AK7: variants seen among roughly 807,000 people sequenced by gnomAD.
AK7 encodes adenylate kinase 7.
AK7 carries 78 observed loss-of-function variants against 96.6 expected under a neutral mutation model. The ratio of observed to expected loss-of-function variants is 0.81; its 90% confidence interval spans 0.67 to 0.97. AK7 has a LOEUF of 0.97. Ranked by LOEUF, AK7 falls within the 50% of genes least tolerant of loss-of-function variation. The pLI is 0.00. For missense variants in AK7, 855 were observed against 887.9 expected, an observed-to-expected ratio of 0.96 and a Z score of 0.47; for synonymous variants, 302 against 317.2, an observed-to-expected ratio of 0.95 and a Z score of 0.51.
At chr14:96,466,041 T>TACA (rs1894549339) in intron 12 of AK7, among the ~76,000 whole-genome samples, 1 of 147,864 alleles carries the variant, frequency 6.8e-6, no homozygotes, top group Non-Finnish European at 1.5e-5. Context: ...CCAAATGATA[T>TACA]ACAACATAGG....
intron 16 of AK7, 21 bp from the exon 17 acceptor site, chr14:96,486,876 AC>A (rs1895795782): frequency 6.2e-7 from 1 of 1,608,726 alleles, no homozygotes; most frequent in South Asian, 1.1e-5. Context: ...CATTTACTTT[AC>A]CACCAAATAT....
intron 8 of AK7, among the ~76,000 whole-genome samples, chr14:96,448,537 C>T (rs573853495): frequency 2.1e-5 from 3 of 144,100 alleles, no homozygotes; most frequent in East Asian, 2.1e-4. Context: ...GGCTAAGGTG[C>T]GAGGATTGCT....
intron 5 of AK7, among the ~76,000 whole-genome samples, chr14:96,422,499 A>T (rs1458439960): frequency 6.6e-6 from 1 of 152,202 alleles, no homozygotes; most frequent in Non-Finnish European, 1.5e-5. Flanking sequence ...ATCCATATGG[A>T]CAGGCGCCCC....
intron 12 of AK7, among the ~76,000 whole-genome samples, chr14:96,465,200 G>A (rs972181456): frequency 2.0e-5 from 3 of 152,194 alleles, no homozygotes; most frequent in East Asian, 1.9e-4. Context: ...CGTGGCTCAC[G>A]CCTGTAATCC....
At chr14:96,422,359 A>G (rs1401710357) in intron 5 of AK7, among the ~76,000 whole-genome samples, 1 of 152,254 alleles carries the variant, frequency 6.6e-6, no homozygotes, top group Non-Finnish European at 1.5e-5. Context: ...CTGGTTACAA[A>G]CAATCCATAG....
At chr14:96,470,201 G>T (rs909485745) in intron 12 of AK7, among the ~76,000 whole-genome samples, 1 of 151,594 alleles carries the variant, frequency 6.6e-6, no homozygotes, top group Non-Finnish European at 1.5e-5. Flanking sequence ...TTTACATTAT[G>T]TAAAATGAGG....
chr14:96,440,867 A>T (rs8015305), intron 6 of AK7, among the ~76,000 whole-genome samples: 11,545 of 152,242 alleles, frequency 0.076, 1,494 homozygotes, highest in African/African-American at 0.26. Flanking sequence ...TTTTTTAAAG[A>T]TGTGGGTAAG....
intron 1 of AK7, among the ~76,000 whole-genome samples, chr14:96,393,346 C>T (rs1439285410): frequency 6.6e-6 from 1 of 152,208 alleles, no homozygotes; most frequent in African/African-American, 2.4e-5. Context: ...GGCTACAGTA[C>T]GTACAATCTG....
intron 5 of AK7, among the ~76,000 whole-genome samples, 159 bp downstream of exon 5, chr14:96,421,091 G>A (rs1421816186): frequency 6.6e-6 from 1 of 152,138 alleles, no homozygotes; most frequent in Non-Finnish European, 1.5e-5. Flanking sequence ...CAGCACACTG[G>A]GTTGAAAGCC....
At chr14:96,473,194 T>C (rs1194239925) in intron 14 of AK7, among the ~76,000 whole-genome samples, 6 of 146,436 alleles carry the variant, frequency 4.1e-5, no homozygotes, top group African/African-American at 1.5e-4. Context: ...TTTTTGAGAC[T>C]GAGTCTTGCC....
chr14:96,452,196 G>A (rs1037432326), intron 10 of AK7, among the ~76,000 whole-genome samples: 1 of 152,104 alleles, frequency 6.6e-6, no homozygotes, highest in African/African-American at 2.4e-5. Context: ...TAGACATTGT[G>A]GAATGGCTAA....
intron 4 of AK7, among the ~76,000 whole-genome samples, chr14:96,415,107 G>C (rs1348390842): frequency 6.6e-6 from 1 of 151,758 alleles, no homozygotes; most frequent in Non-Finnish European, 1.5e-5. Flanking sequence ...AAATTTGAGG[G>C]GCTAAAAGCA....
At chr14:96,458,552 G>A (rs1252158998) in intron 12 of AK7, among the ~76,000 whole-genome samples, 1 of 151,930 alleles carries the variant, frequency 6.6e-6, no homozygotes, top group Non-Finnish European at 1.5e-5. Flanking sequence ...GACCAGCCTA[G>A]GCAACATGGT....
At chr14:96,440,853 G>T (rs1170806581) in intron 6 of AK7, among the ~76,000 whole-genome samples, 1 of 152,180 alleles carries the variant, frequency 6.6e-6, no homozygotes, top group African/African-American at 2.4e-5. Flanking sequence ...GAAAGAGGAA[G>T]AAATTTTTTA....
rs1436151821 is a variant in AK7 at position 96,442,816 on chromosome 14, A to G, written c.777A>G (p.Ala259=). The part of the protein sequence containing the change: ...VIPTIHVLDL[A]GVIQNVIDHV... ...CAACAATCCATGTTCTTGATCTAGC[A>G]GGGTAAGCATTCGCCCAGAGACGTG... The change falls in exon 7 of 18, where the codon GCA becomes GCG. Residue 259 remains alanine, a splice_region_variant and synonymous_variant. Coordinates refer to ENST00000267584, the MANE Select transcript of AK7 (RefSeq NM_152327.5). The G allele has an allele frequency of 1.2e-6, 2 of 1,613,394 alleles. No homozygotes were observed. Among genetic ancestry groups the G allele is most frequent in the Middle Eastern group, 1.6e-4 (1 of 6,084 alleles).
At chr14:96,476,127 A>G (rs1460146460) in intron 14 of AK7, among the ~76,000 whole-genome samples, 1 of 152,196 alleles carries the variant, frequency 6.6e-6, no homozygotes, top group Non-Finnish European at 1.5e-5. Flanking sequence ...GCCTATGTCC[A>G]GTTTGATTCT....
intron 4 of AK7, among the ~76,000 whole-genome samples, chr14:96,412,566 C>T (rs1891100316): frequency 6.7e-6 from 1 of 149,370 alleles, no homozygotes; most frequent in South Asian, 2.1e-4. Flanking sequence ...CTTGGCCTTG[C>T]AGTACTTTTT....
Position 96,438,471 on chromosome 14 carries a change from C to T in AK7, c.690+556C>T, listed in dbSNP as rs371308012. ...AAAGGCAATGAAGGAGCTGGCTAAT[C>T]GGCTTTCTGGAGAAAGACATCCCAG... On this transcript the variant is annotated intron_variant, in intron 6 of 17. Coordinates refer to ENST00000267584, the MANE Select transcript of AK7 (RefSeq NM_152327.5). Among the ~76,000 whole-genome samples, 15 of 152,260 alleles carry T rather than the reference C, an allele frequency of 9.9e-5. No individual in the cohort carries two copies. The South Asian group carries it at 2.3e-3, about 23-fold the overall frequency.
chr14:96,446,381 C>T (rs995888727), intron 7 of AK7, 136 bp from the exon 8 acceptor site: 18 of 688,176 alleles, frequency 2.6e-5, no homozygotes, highest in Middle Eastern at 5.8e-4. Flanking sequence ...CAACCCTGAC[C>T]GTATTGAAAA....
Sources: gnomAD v4.1 joint callset for allele counts (sites outside exome capture counted in the v4.1 genomes callset) on GRCh38, gnomAD v4.1.1 for gene constraint, MANE v1.5 for transcripts, NCBI Gene and HGNC (gene_info 2026-07-23, HGNC 2026-07-21) for gene names.